The following SMARCC1 variants were observed in gnomAD, a reference collection of about 807,000 sequenced individuals.
The protein encoded by SMARCC1 is SWI/SNF complex subunit SMARCC1.
In SMARCC1, 43 loss-of-function variants were observed where a neutral mutation model predicts 147.4. That is an observed-to-expected ratio of 0.29 (90% CI 0.23 to 0.38). The LOEUF is 0.38. Among genes scored for constraint, SMARCC1 ranks in the 10% least tolerant of loss-of-function variants. SMARCC1 has a pLI of 1.00. For synonymous variants in SMARCC1, 495 were observed against 484.4 expected, an observed-to-expected ratio of 1.02 and a Z score of -0.29; for missense variants, 1,119 against 1,381.1, an observed-to-expected ratio of 0.81 and a Z score of 3.01.
chr3:47,595,228 T>G (rs1374234850), intron 26 of SMARCC1, among the ~76,000 whole-genome samples: 1 of 152,156 alleles, frequency 6.6e-6, no homozygotes, highest in Non-Finnish European at 1.5e-5. Context: ...AAAAAAAATT[T>G]TTTTTAAACA....
At chr3:47,610,622 C>T (rs1317405103) in intron 25 of SMARCC1, 3 of 429,298 alleles carry the variant, frequency 7.0e-6, no homozygotes, top group South Asian at 5.0e-5. Context: ...CACATGTAAT[C>T]CCCTCTATGT....
chr3:47,600,601 C>A (rs1044850690), intron 26 of SMARCC1, among the ~76,000 whole-genome samples: 23 of 152,080 alleles, frequency 1.5e-4, no homozygotes, highest in Non-Finnish European at 1.0e-4. Flanking sequence ...TCTCTCTGAC[C>A]CTGAGGTCCA....
intron 17 of SMARCC1, among the ~76,000 whole-genome samples, chr3:47,675,881 G>A (rs1235384505): frequency 1.3e-5 from 2 of 151,644 alleles, no homozygotes; most frequent in Non-Finnish European, 2.9e-5. Context: ...AGAGGTGGAA[G>A]TTGCAGCGAA....
intron 13 of SMARCC1, among the ~76,000 whole-genome samples, chr3:47,687,269 G>C (rs2033737121): frequency 6.6e-6 from 1 of 152,116 alleles, no homozygotes; most frequent in African/African-American, 2.4e-5. Context: ...CCAAATCACA[G>C]AAGCTAGCAA....
chr3:47,710,598 A>G, intron 9 of SMARCC1, 85 bp downstream of exon 9: 1 of 1,414,864 alleles, frequency 7.1e-7, no homozygotes, highest in Non-Finnish European at 9.7e-7. Context: ...AGTGGTTTGT[A>G]TATGACAGCT....
At chr3:47,655,965 C>A (rs2033255340) in intron 21 of SMARCC1, among the ~76,000 whole-genome samples, 1 of 152,114 alleles carries the variant, frequency 6.6e-6, no homozygotes, top group Non-Finnish European at 1.5e-5. Flanking sequence ...GTAATCCCAG[C>A]ACTTTGGGAG....
intron 9 of SMARCC1, 93 bp downstream of exon 9, chr3:47,710,590 T>C (rs2034073090): frequency 1.6e-6 from 2 of 1,266,720 alleles, no homozygotes; most frequent in Non-Finnish European, 2.2e-6. Flanking sequence ...AGTTCCTAAG[T>C]GGTTTGTATA....
chr3:47,678,099 T>C (rs2033596074), intron 16 of SMARCC1, 99 bp downstream of exon 16: 1 of 552,984 alleles, frequency 1.8e-6, no homozygotes, highest in Admixed American at 3.0e-5. Context: ...TTAGGTGTTT[T>C]ACCCAGTTGA....
intron 11 of SMARCC1, among the ~76,000 whole-genome samples, chr3:47,696,089 G>C (rs906400484): frequency 9.8e-5 from 13 of 132,398 alleles, no homozygotes; most frequent in South Asian, 2.6e-4. Context: ...GGGGGGGGGG[G>C]GCCAGGCGAG....
intron 16 of SMARCC1, among the ~76,000 whole-genome samples, chr3:47,677,929 T>C (rs2033594689): frequency 6.6e-6 from 1 of 152,110 alleles, no homozygotes. Context: ...GGCAGGAGAA[T>C]CGCTTGAGGC....
chr3:47,661,576 G>T, intron 20 of SMARCC1, 121 bp from the exon 21 acceptor site: 1 of 672,244 alleles, frequency 1.5e-6, no homozygotes, highest in Non-Finnish European at 2.5e-6. Flanking sequence ...ACCTCTTCAG[G>T]CTCTCAGTCC....
At chr3:47,593,320 C>T (rs190397861) in intron 26 of SMARCC1, among the ~76,000 whole-genome samples, 5 of 151,888 alleles carry the variant, frequency 3.3e-5, no homozygotes, top group Admixed American at 2.6e-4. Context: ...TACAGGTGTG[C>T]GCCACCATAC....
At chr3:47,748,310 T>A (rs1453528023) in intron 2 of SMARCC1, among the ~76,000 whole-genome samples, 2 of 152,050 alleles carry the variant, frequency 1.3e-5, no homozygotes, top group Non-Finnish European at 2.9e-5. Context: ...GCCTTCTGGG[T>A]TCAAGGAATT....
Position 47,686,180 on chromosome 3 carries a change from A to G in SMARCC1, c.1264-10T>C. The stretch of plus-strand genomic sequence containing the variant: ...CAGGATCTTCATCTTCCTATAGAAA[A>G]GAAGACAAAGTTCAAAGAAAGAAAG... On this transcript the variant is annotated splice_polypyrimidine_tract_variant and intron_variant, in intron 13 of 27. Coordinates refer to ENST00000254480, the MANE Select transcript of SMARCC1 (RefSeq NM_003074.4). 1 of 1,607,844 alleles carries G rather than the reference A, an allele frequency of 6.2e-7. No individual in the cohort carries two copies.
chr3:47,761,106 C>T (rs1018626604), intron 2 of SMARCC1, among the ~76,000 whole-genome samples: 3 of 151,272 alleles, frequency 2.0e-5, no homozygotes, highest in Non-Finnish European at 2.9e-5. Flanking sequence ...ACACTCCAGA[C>T]TGGGTAACAG....
At chr3:47,594,730 G>A (rs1277567581) in intron 26 of SMARCC1, among the ~76,000 whole-genome samples, 1 of 152,184 alleles carries the variant, frequency 6.6e-6, no homozygotes, top group Non-Finnish European at 1.5e-5. Context: ...TTAGGGATAG[G>A]ACTAATCCTA....
intron 25 of SMARCC1, 56 bp from the exon 26 acceptor site, chr3:47,610,383 A>C: frequency 1.3e-6 from 2 of 1,598,500 alleles, no homozygotes; most frequent in Non-Finnish European, 1.7e-6. Context: ...TCAGGATTGG[A>C]TAACACAAAG....
At chr3:47,733,741 G>A (rs934697400) in intron 5 of SMARCC1, among the ~76,000 whole-genome samples, 10 of 151,724 alleles carry the variant, frequency 6.6e-5, no homozygotes, top group Admixed American at 6.6e-4. Context: ...GTGGGCGCCT[G>A]TAGTCCCAGC....
intron 26 of SMARCC1, among the ~76,000 whole-genome samples, chr3:47,595,134 A>G (rs923764475): frequency 6.6e-6 from 1 of 152,154 alleles, no homozygotes; most frequent in Non-Finnish European, 1.5e-5. Context: ...CTGTGGATGG[A>G]CCACACAGCC....
Sources: allele counts gnomAD v4.1 joint callset (sites outside exome capture counted in the v4.1 genomes callset), GRCh38; gene constraint gnomAD v4.1.1; transcripts MANE v1.5; gene names NCBI Gene and HGNC (gene_info 2026-07-23, HGNC 2026-07-21).